AGBL1: variants seen among roughly 807,000 people sequenced by gnomAD.
AGBL1 encodes AGBL carboxypeptidase 1.
AGBL1 carries 130 observed loss-of-function variants against 118.9 expected under a neutral mutation model. The observed-to-expected ratio is 1.09, with a 90% CI of 0.95 to 1.26. The LOEUF is 1.26. Ranked by LOEUF, AGBL1 falls within the 50% of genes most tolerant of loss-of-function variation. The pLI is 0.00. For missense variants in AGBL1, 1,584 were observed against 1,298.1 expected (o/e 1.22, Z -3.38); for synonymous variants, 555 against 478.9 (o/e 1.16, Z -2.08).
At chr15:86,527,961 A>C (rs950404264) in intron 19 of AGBL1, among the ~76,000 whole-genome samples, 7 of 152,224 alleles carry the variant, frequency 4.6e-5, no homozygotes, top group Non-Finnish European at 8.8e-5. Context: ...CCAACCACTT[A>C]TCCATCCACC....
At chr15:86,821,444 G>C (rs1874438670) in intron 22 of AGBL1, among the ~76,000 whole-genome samples, 1 of 152,140 alleles carries the variant, frequency 6.6e-6, no homozygotes, top group Admixed American at 6.6e-5. Context: ...CAACATTTTG[G>C]TCTTCGTGAA....
chr15:86,403,015 G>C (rs1331072736), intron 18 of AGBL1, among the ~76,000 whole-genome samples: 1 of 152,158 alleles, frequency 6.6e-6, no homozygotes, highest in Non-Finnish European at 1.5e-5. Flanking sequence ...ATCTTCCCAA[G>C]GTGGGGTAAA....
In AGBL1 at chr15:86,256,969, C is replaced by T; in HGVS notation, c.852C>T (p.Phe284=). The T allele has an allele frequency of 2.5e-6, 4 of 1,613,970 alleles. No individual in the cohort carries two copies. Among genetic ancestry groups the T allele is most frequent in the Non-Finnish European group, 3.4e-6 (4 of 1,179,876 alleles). The change falls in exon 8 of 23, where the codon TTC becomes TTT. Residue 284 remains phenylalanine, a synonymous_variant. Coordinates refer to ENST00000614907, the MANE Select transcript of AGBL1 (RefSeq NM_001386094.1). ...PLVTASSAYA[F]PVPGCITTEP... is the part of the protein sequence containing the mutation. ...TCACAGCCAGCAGTGCCTATGCCTT[C>T]CCGGTCCCCGGGTGCATCACCACTG...
chr15:86,355,799 C>T (rs1278031080), intron 17 of AGBL1, among the ~76,000 whole-genome samples: 1 of 152,180 alleles, frequency 6.6e-6, no homozygotes, highest in African/African-American at 2.4e-5. Context: ...TGGGCCTATC[C>T]TTTTCTCACA....
At chr15:86,203,800 A>G (rs2141863697) in intron 5 of AGBL1, among the ~76,000 whole-genome samples, 1 of 152,302 alleles carries the variant, frequency 6.6e-6, no homozygotes, top group South Asian at 2.1e-4. Flanking sequence ...TATTGTGGGA[A>G]AGGAAATGAA....
At chr15:86,867,175 T>C (rs2079644467) in intron 22 of AGBL1, among the ~76,000 whole-genome samples, 1 of 152,084 alleles carries the variant, frequency 6.6e-6, no homozygotes, top group East Asian at 1.9e-4. Context: ...GGTGGGGGAA[T>C]TGTATTTCAC....
chr15:86,181,027 G>A (rs991941112), intron 5 of AGBL1, among the ~76,000 whole-genome samples: 1 of 152,040 alleles, frequency 6.6e-6, no homozygotes, highest in African/African-American at 2.4e-5. Flanking sequence ...ACAAGAATTG[G>A]CAAAGAAGAA....
intron 22 of AGBL1, among the ~76,000 whole-genome samples, chr15:86,704,061 T>C (rs2086405905): frequency 6.6e-6 from 1 of 152,198 alleles, no homozygotes; most frequent in Admixed American, 6.5e-5. Flanking sequence ...ACTTAATGAA[T>C]GGTGCCAGGA....
chr15:86,263,197 C>T (rs780341403), intron 10 of AGBL1, among the ~76,000 whole-genome samples: 5 of 152,168 alleles, frequency 3.3e-5, no homozygotes, highest in Admixed American at 3.3e-4. Context: ...CCTTGATGGT[C>T]CCATAAGATT....
chr15:86,538,995 T>C (rs894550085), intron 19 of AGBL1, among the ~76,000 whole-genome samples: 1 of 152,212 alleles, frequency 6.6e-6, no homozygotes. Flanking sequence ...CAAGAAATCA[T>C]GGAACTCATG....
rs553470613 is a variant in AGBL1 at position 86,789,616 on chromosome 15, C to A, written c.3158+115180C>A. Among the ~76,000 whole-genome samples, 6 of 152,292 alleles carry A rather than the reference C, an allele frequency of 3.9e-5. No homozygotes were observed. In the South Asian group the frequency reaches 1.2e-3, roughly 32 times the overall value. On this transcript the variant is annotated intron_variant, in intron 22 of 22. Coordinates refer to ENST00000614907, the MANE Select transcript of AGBL1 (RefSeq NM_001386094.1). ...TCTAAGTAAAACTGCAATCCAGCCC[C>A]GGCCAACCTGGATTGCCACAGTGCC...
chr15:86,766,334 A>G (rs2078096795), intron 22 of AGBL1, among the ~76,000 whole-genome samples: 1 of 151,884 alleles, frequency 6.6e-6, no homozygotes, highest in Non-Finnish European at 1.5e-5. Context: ...TTGTAATTTT[A>G]TACATGTTAT....
At chr15:86,791,835 C>T (rs144854544) in intron 22 of AGBL1, among the ~76,000 whole-genome samples, 1 of 151,624 alleles carries the variant, frequency 6.6e-6, no homozygotes, top group African/African-American at 2.4e-5. Context: ...TTCCCAGGTT[C>T]AAGCAATTCT....
intron 1 of AGBL1, among the ~76,000 whole-genome samples, chr15:86,120,229 T>C (rs1898013589): frequency 6.6e-6 from 1 of 152,194 alleles, no homozygotes; most frequent in African/African-American, 2.4e-5. Context: ...TTGCCTTTTT[T>C]ACTTGATAGA....
intron 16 of AGBL1, among the ~76,000 whole-genome samples, chr15:86,284,201 AAAAC>A (rs1237593024): frequency 6.6e-6 from 1 of 151,200 alleles, no homozygotes; most frequent in Non-Finnish European, 1.5e-5. Context: ...TAAAAAAAAA[AAAAC>A]AAATGGAAGA....
chr15:86,143,448 G>T (rs991830076), intron 2 of AGBL1, among the ~76,000 whole-genome samples: 2 of 152,190 alleles, frequency 1.3e-5, no homozygotes, highest in African/African-American at 4.8e-5. Context: ...TCTCAGATAA[G>T]CTCTATTTAT....
intron 5 of AGBL1, among the ~76,000 whole-genome samples, chr15:86,179,656 G>T (rs1019525623): frequency 1.3e-5 from 2 of 152,114 alleles, no homozygotes; most frequent in Non-Finnish European, 2.9e-5. Context: ...AAACTAGACT[G>T]TCTACTGTCA....
intron 18 of AGBL1, among the ~76,000 whole-genome samples, chr15:86,448,543 C>T (rs1343849327): frequency 6.6e-6 from 1 of 152,200 alleles, no homozygotes; most frequent in African/African-American, 2.4e-5. Flanking sequence ...GGATTTTTAG[C>T]AGTGGAGAGA....
intron 1 of AGBL1, among the ~76,000 whole-genome samples, chr15:86,087,173 G>A (rs1895714259): frequency 6.6e-6 from 1 of 152,274 alleles, no homozygotes; most frequent in South Asian, 2.1e-4. Context: ...GAGATGCCCT[G>A]CATTAAGGGA....
Sources: gnomAD v4.1 joint callset for allele counts (sites outside exome capture counted in the v4.1 genomes callset) on GRCh38, gnomAD v4.1.1 for gene constraint, MANE v1.5 for transcripts, NCBI Gene and HGNC (gene_info 2026-07-23, HGNC 2026-07-21) for gene names.